RAB38: variants seen among roughly 807,000 people sequenced by gnomAD.
RAB38 encodes the protein ras-related protein Rab-38.
A neutral mutation model predicts 18.4 loss-of-function variants in RAB38; 15 were observed. The observed-to-expected ratio is 0.82, with a 90% confidence interval of 0.55 to 1.26. The LOEUF (loss-of-function observed/expected upper bound fraction) is 1.26, where lower values mean the gene tolerates loss of function less well. Among genes scored for constraint, RAB38 ranks in the 50% most tolerant of loss-of-function variants. The probability of loss-of-function intolerance (pLI) is 0.00; values close to 1 mark genes in which losing one functional copy is unlikely to be tolerated. For missense variants in RAB38, 294 were observed against 267.4 expected (o/e 1.10, Z -0.69); for synonymous variants, 101 against 104.4 (o/e 0.97, Z 0.20).
chr11:88,148,886 GT>G (rs761422449), intron 2 of RAB38, among the ~76,000 whole-genome samples: 2 of 151,734 alleles, frequency 1.3e-5, no homozygotes, highest in East Asian at 1.9e-4. Flanking sequence ...TTTAGTTATG[GT>G]TTTTTATGGA....
the RAB38 span, among the ~76,000 whole-genome samples, chr11:88,074,586 A>G: frequency 6.6e-6 from 1 of 152,192 alleles, no homozygotes; most frequent in African/African-American, 2.4e-5. Flanking sequence ...AAATTAAAAC[A>G]TACTACCAGA....
the RAB38 span, among the ~76,000 whole-genome samples, chr11:88,103,096 A>G: frequency 5.9e-5 from 9 of 152,078 alleles, 1 homozygote; most frequent in Middle Eastern, 6.3e-3. Context: ...CTGATTTAGG[A>G]AATTTAATAT....
At chr11:87,926,765 G>A in the RAB38 span, among the ~76,000 whole-genome samples, 4 of 152,046 alleles carry the variant, frequency 2.6e-5, no homozygotes, top group African/African-American at 9.7e-5. Flanking sequence ...CGGCTAATCT[G>A]TGAAGGATGA....
intron 2 of RAB38, among the ~76,000 whole-genome samples, chr11:88,127,016 A>C (rs1942705868): frequency 6.6e-6 from 1 of 152,206 alleles, no homozygotes; most frequent in Admixed American, 6.5e-5. Context: ...TCATTAGAGT[A>C]AGATATTTCC....
At chr11:87,938,685 C>A in the RAB38 span, among the ~76,000 whole-genome samples, 596 of 111,968 alleles carry the variant, frequency 5.3e-3, 6 homozygotes, top group African/African-American at 0.019. Context: ...AAAAAAAAAA[C>A]CACAAAATTT....
intron 2 of RAB38, among the ~76,000 whole-genome samples, chr11:88,142,072 T>A (rs1215563003): frequency 2.0e-5 from 3 of 151,888 alleles, no homozygotes; most frequent in Admixed American, 6.5e-5. Context: ...TCTGAGTGAC[T>A]GCATCCTTCT....
the RAB38 span, among the ~76,000 whole-genome samples, chr11:87,837,544 C>T: frequency 6.6e-6 from 1 of 152,176 alleles, no homozygotes; most frequent in Admixed American, 6.5e-5. Flanking sequence ...GTATAAGTGT[C>T]ATAAACAATG....
chr11:88,132,933 A>G (rs1942783656), intron 2 of RAB38, among the ~76,000 whole-genome samples: 2 of 152,224 alleles, frequency 1.3e-5, no homozygotes, highest in African/African-American at 4.8e-5. Flanking sequence ...ATTTAGAAAA[A>G]TAAGGGATTT....
At chr11:88,112,793 A>ATAT (rs1942491139), downstream of RAB38, among the ~76,000 whole-genome samples, 2 of 135,982 alleles carry the variant, frequency 1.5e-5, no homozygotes, top group African/African-American at 6.0e-5. Flanking sequence ...ACAACAACAA[A>ATAT]ATATATATAT....
chr11:87,812,684 CT>C, the RAB38 span, among the ~76,000 whole-genome samples: 2 of 152,178 alleles, frequency 1.3e-5, no homozygotes, highest in African/African-American at 2.4e-5. Flanking sequence ...CATCATGTAT[CT>C]TCTATTCAAC....
chr11:88,107,608 C>T, the RAB38 span, among the ~76,000 whole-genome samples: 3 of 151,052 alleles, frequency 2.0e-5, no homozygotes, highest in African/African-American at 7.3e-5. Flanking sequence ...GGTTTTGTGT[C>T]TCTATCTCCT....
At chr11:87,960,662 G>A in the RAB38 span, among the ~76,000 whole-genome samples, 4 of 152,230 alleles carry the variant, frequency 2.6e-5, no homozygotes, top group South Asian at 6.2e-4. Context: ...CAAGGTGAGC[G>A]ACTAACCTGC....
At chr11:88,032,986 A>G in the RAB38 span, among the ~76,000 whole-genome samples, 34 of 152,372 alleles carry the variant, frequency 2.2e-4, no homozygotes, top group Middle Eastern at 6.8e-3. Context: ...CCAAATGTCC[A>G]ACAATGATAG....
intron 1 of RAB38, among the ~76,000 whole-genome samples, chr11:88,163,414 G>A (rs951533935): frequency 6.6e-6 from 1 of 152,086 alleles, no homozygotes; most frequent in East Asian, 1.9e-4. Flanking sequence ...TACTGAACTT[G>A]CCATTTTTAA....
At chr11:88,008,134 T>C in the RAB38 span, among the ~76,000 whole-genome samples, 2 of 152,244 alleles carry the variant, frequency 1.3e-5, no homozygotes, top group East Asian at 3.9e-4. Flanking sequence ...TATGTTGTGA[T>C]CAGGATGTTG....
At chr11:88,126,449 G>C (rs1942695943) in intron 2 of RAB38, among the ~76,000 whole-genome samples, 1 of 151,972 alleles carries the variant, frequency 6.6e-6, no homozygotes, top group African/African-American at 2.4e-5. Context: ...CTATCACAAG[G>C]ACAAAAAAAC....
At chr11:87,854,146 G>GTT in the RAB38 span, among the ~76,000 whole-genome samples, 115 of 152,144 alleles carry the variant, frequency 7.6e-4, no homozygotes, top group African/African-American at 2.7e-3. Flanking sequence ...TTTTGTTTTG[G>GTT]TTTTTTTGCC....
At chr11:88,099,429 T>C in the RAB38 span, among the ~76,000 whole-genome samples, 1 of 151,838 alleles carries the variant, frequency 6.6e-6, no homozygotes, top group African/African-American at 2.4e-5. Context: ...GATGTGACAC[T>C]CCGAAAATCA....
chr11:88,011,597 TAA>T, the RAB38 span, among the ~76,000 whole-genome samples: 1 of 152,192 alleles, frequency 6.6e-6, no homozygotes, highest in Non-Finnish European at 1.5e-5. Flanking sequence ...TCCAGAAAAT[TAA>T]AAAGAGTAAA....
Sources: allele counts gnomAD v4.1 joint callset (sites outside exome capture counted in the v4.1 genomes callset), GRCh38; gene constraint gnomAD v4.1.1; transcripts MANE v1.5; gene names NCBI Gene and HGNC (gene_info 2026-07-23, HGNC 2026-07-21).